UNC5D: variants seen among roughly 807,000 people sequenced by gnomAD.
UNC5D encodes the protein unc-5 netrin receptor D, also known as netrin receptor UNC5D.
Under a neutral mutation model 105.4 loss-of-function variants are expected in UNC5D, and 39 were observed. The observed-to-expected ratio is 0.37, with a 90% confidence interval of 0.29 to 0.48. The LOEUF (loss-of-function observed/expected upper bound fraction) is 0.48, where lower values mean the gene tolerates loss of function less well. Ranked by LOEUF, UNC5D falls within the 20% of genes least tolerant of loss-of-function variation. The pLI is 0.98. For synonymous variants in UNC5D, 452 were observed against 450.4 expected, an observed-to-expected ratio of 1.00 and a Z score of -0.04; for missense variants, 991 against 1,202.4, an observed-to-expected ratio of 0.82 and a Z score of 2.60.
At chr8:35,455,667 TAA>T (rs916759567) in intron 1 of UNC5D, among the ~76,000 whole-genome samples, 1 of 137,568 alleles carries the variant, frequency 7.3e-6, no homozygotes. Context: ...GGTAATCTAT[TAA>T]AAAAAAAAAC....
rs1252620273 is a variant in UNC5D, at chr8:35,472,807, A to G, written c.104-76485A>G. 5.9e-5 allele frequency among the ~76,000 whole-genome samples: 9 copies of G among 152,306 alleles called. No individual in the cohort carries two copies. In the East Asian group the frequency reaches 1.5e-3, roughly 26 times the overall value. On this transcript the variant is annotated intron_variant, in intron 1 of 16. Transcript: ENST00000404895. ...CAAGCTTCTCACCTTGGACATTGCC[A>G]TATGTTACTTGGCCTCACATGAAGG...
intron 1 of UNC5D, among the ~76,000 whole-genome samples, chr8:35,373,110 C>A (rs572898173): frequency 6.6e-6 from 1 of 152,170 alleles, no homozygotes; most frequent in Non-Finnish European, 1.5e-5. Flanking sequence ...TGAAGGGTAT[C>A]CTTTTCACGT....
chr8:35,763,779 A>G (rs1165402958), intron 14 of UNC5D, among the ~76,000 whole-genome samples: 1 of 152,170 alleles, frequency 6.6e-6, no homozygotes, highest in Admixed American at 6.5e-5. Context: ...GCTAATAGAA[A>G]TAAGAATGGA....
At chr8:35,305,341 C>T (rs982843029) in intron 1 of UNC5D, among the ~76,000 whole-genome samples, 1 of 152,010 alleles carries the variant, frequency 6.6e-6, no homozygotes, top group East Asian at 1.9e-4. Flanking sequence ...CAGTAGGTCC[C>T]TTCCCTTTAA....
chr8:35,352,041 G>C (rs2128910626), intron 1 of UNC5D, among the ~76,000 whole-genome samples: 1 of 152,134 alleles, frequency 6.6e-6, no homozygotes, highest in South Asian at 2.1e-4. Flanking sequence ...AATCATGCAA[G>C]TACACATATA....
Position 35,555,875 on chromosome 8 carries a change from G to GCACACACA in UNC5D, c.322+6408_322+6415dup, listed in dbSNP as rs56788274. ...AATTATAAAGATCTATAAAAAAACA[G>GCACACACA]CACACACACACACACACACACACAC... is the stretch of plus-strand genomic sequence containing the variant. On this transcript the variant is annotated intron_variant, in intron 2 of 16. Coordinates refer to ENST00000404895, the MANE Select transcript of UNC5D (RefSeq NM_080872.4). Among the ~76,000 whole-genome samples, 22 of 134,234 alleles carry GCACACACA rather than the reference G, an allele frequency of 1.6e-4. 1 individual carries two copies. Among genetic ancestry groups the GCACACACA allele is most frequent in the African/African-American group, 4.7e-4 (17 of 36,392 alleles). The allele number at this position is 134,234 out of a possible 152,430, so 88.1% of individuals were successfully genotyped here.
intron 1 of UNC5D, among the ~76,000 whole-genome samples, chr8:35,478,178 G>A (rs559972240): frequency 2.0e-5 from 3 of 152,136 alleles, no homozygotes; most frequent in South Asian, 4.1e-4. Flanking sequence ...CAACACAGAT[G>A]GGTTTACCTC....
Position 35,572,302 on chromosome 8 carries a change from C to T in UNC5D, c.466+4061C>T, listed in dbSNP as rs1288283248. ...AAAAAAAAAAAAAAAAAAAAAAAAC[C>T]CACACAAAACAAGCAAAAAACTGAA... On this transcript the variant is annotated intron_variant, in intron 3 of 16. Coordinates refer to ENST00000404895, the MANE Select transcript of UNC5D (RefSeq NM_080872.4). Among the ~76,000 whole-genome samples, 5 of 137,894 alleles carry T rather than the reference C, an allele frequency of 3.6e-5. No individual in the cohort carries two copies. In the South Asian group the frequency reaches 1.1e-3, roughly 32 times the overall value. 90.5% of individuals were successfully genotyped at this position (137,894 alleles called of 152,430 possible). A position where few individuals can be genotyped will look rare whatever the true frequency, so the allele number is the denominator to read the frequency against.
At chr8:35,756,156 C>T (rs1830509325) in intron 13 of UNC5D, among the ~76,000 whole-genome samples, 2 of 152,104 alleles carry the variant, frequency 1.3e-5, no homozygotes, top group Admixed American at 6.6e-5. Flanking sequence ...CAGGCTTTTT[C>T]ATTTTAATAA....
intron 1 of UNC5D, among the ~76,000 whole-genome samples, chr8:35,453,162 T>G (rs1808279581): frequency 6.6e-6 from 1 of 152,174 alleles, no homozygotes; most frequent in East Asian, 1.9e-4. Context: ...GGCATAAGGA[T>G]TAATTTACAT....
intron 1 of UNC5D, among the ~76,000 whole-genome samples, chr8:35,319,316 T>C (rs1809542689): frequency 6.6e-6 from 1 of 152,136 alleles, no homozygotes; most frequent in African/African-American, 2.4e-5. Flanking sequence ...TCAGACCGCA[T>C]TTTAAATGTA....
At chr8:35,421,349 C>T (rs149007926) in intron 1 of UNC5D, among the ~76,000 whole-genome samples, 69 of 152,214 alleles carry the variant, frequency 4.5e-4, no homozygotes, top group African/African-American at 1.6e-3. Flanking sequence ...GCCTGAAGAC[C>T]TCACCTAACG....
chr8:35,425,049 G>C (rs577251523), intron 1 of UNC5D, among the ~76,000 whole-genome samples: 2 of 152,222 alleles, frequency 1.3e-5, no homozygotes, highest in South Asian at 4.1e-4. Flanking sequence ...GTGGGGGAAG[G>C]GGGGAGGGAT....
At chr8:35,530,070 T>G (rs1814226055) in intron 1 of UNC5D, among the ~76,000 whole-genome samples, 1 of 151,474 alleles carries the variant, frequency 6.6e-6, no homozygotes, top group Admixed American at 6.6e-5. Flanking sequence ...TGGCCAGAAC[T>G]TCCAACACTA....
intron 4 of UNC5D, among the ~76,000 whole-genome samples, chr8:35,679,840 T>G (rs1210220421): frequency 1.3e-5 from 2 of 152,104 alleles, no homozygotes; most frequent in Non-Finnish European, 2.9e-5. Context: ...GGAAAGAAAT[T>G]TATTTCTTAC....
At chr8:35,652,286 T>G (rs1823461792) in intron 4 of UNC5D, among the ~76,000 whole-genome samples, 1 of 152,228 alleles carries the variant, frequency 6.6e-6, no homozygotes, top group Non-Finnish European at 1.5e-5. Flanking sequence ...AAACATTAAT[T>G]GCTTTTCAAA....
At chr8:35,607,714 CT>C (rs1319840655) in intron 4 of UNC5D, among the ~76,000 whole-genome samples, 1 of 152,106 alleles carries the variant, frequency 6.6e-6, no homozygotes, top group East Asian at 1.9e-4. Context: ...TTGTAAAGGG[CT>C]TTTTTCCTCT....
At chr8:35,489,825 G>C (rs778557070) in intron 1 of UNC5D, among the ~76,000 whole-genome samples, 8 of 152,190 alleles carry the variant, frequency 5.3e-5, no homozygotes, top group Non-Finnish European at 1.2e-4. Flanking sequence ...TTATAGCCTA[G>C]GGTATTCCAT....
intron 1 of UNC5D, among the ~76,000 whole-genome samples, chr8:35,545,561 C>G (rs552039367): frequency 6.6e-6 from 1 of 152,024 alleles, no homozygotes; most frequent in Non-Finnish European, 1.5e-5. Flanking sequence ...GGAATGAGAG[C>G]CTGACCCAGT....
Sources: allele counts gnomAD v4.1 joint callset (sites outside exome capture counted in the v4.1 genomes callset), GRCh38; gene constraint gnomAD v4.1.1; transcripts MANE v1.5; gene names NCBI Gene and HGNC (gene_info 2026-07-23, HGNC 2026-07-21).